ATP5F1D: variants seen among roughly 807,000 people sequenced by gnomAD.
The protein encoded by ATP5F1D is ATP synthase F1 subunit delta.
Under a neutral mutation model 13.0 loss-of-function variants are expected in ATP5F1D, and 16 were observed. The observed-to-expected ratio is 1.23, with a 90% CI of 0.83 to 1.87. The LOEUF (loss-of-function observed/expected upper bound fraction) is 1.87. Among genes scored for constraint, ATP5F1D ranks in the 40% most tolerant of loss-of-function variants. The probability of loss-of-function intolerance (pLI) is 0.00; values close to 1 mark genes in which losing one functional copy is unlikely to be tolerated. For missense variants in ATP5F1D, 294 were observed against 246.2 expected (o/e 1.19, Z -1.30); for synonymous variants, 129 against 116.2 (o/e 1.11, Z -0.71).
In ATP5F1D at chr19:1,244,399, A is replaced by G. The variant is rs766143982; in HGVS notation, c.469A>G (p.Ile157Val). The G allele has an allele frequency of 2.6e-6, 4 of 1,567,754 alleles. No individual in the cohort carries two copies. The Admixed American group carries it at 5.7e-5, about 22-fold the overall frequency. ...EATRAEIQIR[I>V]EANEALVKAL... ...CACGCGGGCAGAGATCCAGATCCGA[A>G]TCGAGGCCAACGAGGCCCTGGTGAA... is the stretch of plus-strand genomic sequence containing the variant. Residue 157 changes from isoleucine to valine, a missense_variant, in exon 4 of 4, where the codon ATC becomes GTC. By Grantham distance (29) the Ile-to-Val change is conservative. Coordinates refer to ENST00000215375, the MANE Select transcript of ATP5F1D (RefSeq NM_001687.5).
At chr19:1,242,142 TGCTGCCCGAGCCCTGC>T (rs1415794762) in intron 1 of ATP5F1D, 151 bp downstream of exon 1, 4 of 1,066,390 alleles carry the variant, frequency 3.8e-6, no homozygotes, top group African/African-American at 3.3e-5. Context: ...GCCCTGCCTC[TGCTGCCCGAGCCCTGC>T]GCTGCCCTCG....
At chr19:1,243,067 G>C (rs1174593314) in intron 2 of ATP5F1D, 3 of 153,360 alleles carry the variant, frequency 2.0e-5, no homozygotes, top group African/African-American at 7.3e-5. Context: ...GGCAACAAGA[G>C]TGAAACTCCA....
Position 1,244,321 on chromosome 19 carries a change from A to C in ATP5F1D, c.391A>C (p.Lys131Gln). ...GCCCCTCAACCCCTTGCAGGCAGCC[A>C]AGGCAAACTTGGAGAAGGCCCAGGC... is the stretch of plus-strand genomic sequence containing the variant. ...TLDMLDLGAA[K>Q]ANLEKAQAEL... Residue 131 changes from lysine (K) to glutamine (Q), a missense_variant, in exon 4 of 4, where the codon AAG (lysine) becomes CAG (glutamine). By Grantham distance (53) the Lys-to-Gln change is moderately conservative. Coordinates refer to ENST00000215375, the MANE Select transcript of ATP5F1D (RefSeq NM_001687.5). The C allele has an allele frequency of 6.3e-7, 1 of 1,593,502 alleles. No homozygotes were observed. Among genetic ancestry groups the C allele is most frequent in the Non-Finnish European group, 8.5e-7 (1 of 1,170,606 alleles).
In ATP5F1D at chr19:1,244,150, G is replaced by A. The variant is rs753537314; in HGVS notation, c.349G>A (p.Glu117Lys). 25 of 1,612,204 alleles carry A rather than the reference G, an allele frequency of 1.6e-5. No homozygotes were observed. Among genetic ancestry groups the A allele is most frequent in the East Asian group, 4.5e-5 (2 of 44,832 alleles). ...CGACTCTTCGGTGCAGTTGTTGGCC[G>A]AAGAGGCCGTGACGCTGGACATGTT... is the stretch of plus-strand genomic sequence containing the variant. ...NADSSVQLLA[E>K]EAVTLDMLDL... Residue 117 changes from glutamate (E) to lysine (K), a missense_variant, in exon 3 of 4, where the codon GAA (glutamate) becomes AAA (lysine). Glu to Lys is a moderately conservative substitution (Grantham distance 56). Transcript: ENST00000215375.
At chr19:1,242,304 G>A (rs1568763314) in intron 1 of ATP5F1D, 152 bp from the exon 2 acceptor site, 2 of 1,001,974 alleles carry the variant, frequency 2.0e-6, no homozygotes, top group South Asian at 5.1e-5. Context: ...GAGGACCAAA[G>A]CTGCAACTTC....
chr19:1,244,024 C>G, intron 2 of ATP5F1D, 73 bp from the exon 3 acceptor site: 2 of 1,462,628 alleles, frequency 1.4e-6, no homozygotes, highest in Non-Finnish European at 1.9e-6. Context: ...GGGCTCTGGA[C>G]TTGACCAGGG....
At chr19:1,243,810 C>T (rs906751091) in intron 2 of ATP5F1D, among the ~76,000 whole-genome samples, 1 of 152,242 alleles carries the variant, frequency 6.6e-6, no homozygotes, top group Non-Finnish European at 1.5e-5. Flanking sequence ...CCCAGCTCAA[C>T]CCATGGGTGG....
intron 2 of ATP5F1D, among the ~76,000 whole-genome samples, chr19:1,243,507 T>C (rs1268189668): frequency 6.6e-6 from 1 of 152,034 alleles, no homozygotes; most frequent in Non-Finnish European, 1.5e-5. Context: ...CTACAAAAAA[T>C]TAGCTGGTTG....
At chr19:1,244,062 G>T in intron 2 of ATP5F1D, 35 bp from the exon 3 acceptor site, 1 of 1,585,974 alleles carries the variant, frequency 6.3e-7, no homozygotes, top group Non-Finnish European at 8.6e-7. Flanking sequence ...CAGCCCTTTG[G>T]GGTCTCACGC....
chr19:1,244,400 T>C lies in ATP5F1D; in HGVS notation c.470T>C (p.Ile157Thr). Residue 157 changes from isoleucine (I) to threonine (T), a missense_variant, in exon 4 of 4, where the codon ATC becomes ACC. By Grantham distance (89) the Ile-to-Thr change is moderately conservative. Coordinates refer to ENST00000215375, the MANE Select transcript of ATP5F1D (RefSeq NM_001687.5). The part of the protein sequence containing the change: ...EATRAEIQIR[I>T]EANEALVKAL... Reference sequence around the variant, plus strand: ...ACGCGGGCAGAGATCCAGATCCGAATCGAGGCCAACGAGGCCCTGGTGAAG... The same window carrying C: ...ACGCGGGCAGAGATCCAGATCCGAACCGAGGCCAACGAGGCCCTGGTGAAG... The C allele has an allele frequency of 6.4e-7, 1 of 1,567,766 alleles. No homozygotes were observed. Among genetic ancestry groups the C allele is most frequent in the Non-Finnish European group, 8.6e-7 (1 of 1,156,162 alleles).
intron 1 of ATP5F1D, 61 bp downstream of exon 1, chr19:1,242,052 C>T: frequency 7.6e-7 from 1 of 1,314,686 alleles, no homozygotes; most frequent in Admixed American, 3.2e-5. Context: ...AGGGTCCCCA[C>T]CCCCAGGGCG....
At chr19:1,242,691 G>A (rs1216464876) in intron 2 of ATP5F1D, 82 bp downstream of exon 2, 19 of 1,378,236 alleles carry the variant, frequency 1.4e-5, no homozygotes, top group Non-Finnish European at 1.7e-5. Flanking sequence ...TTGAGGCTGC[G>A]AGAAAAAATA....
chr19:1,244,304 A>ACCC lies in ATP5F1D; in HGVS notation c.385-9_385-7dup, dbSNP rs1568766316. 6.3e-7 allele frequency: 1 copy of ACCC among 1,591,504 alleles called. No homozygotes were observed. The highest frequency in any genetic ancestry group is 8.6e-7 in the Non-Finnish European group (1 of 1,169,510). On this transcript the variant is annotated splice_polypyrimidine_tract_variant and intron_variant, in intron 3 of 3. Coordinates refer to ENST00000215375, the MANE Select transcript of ATP5F1D (RefSeq NM_001687.5). ...GCTGCTGGCCCCTCACCGCCCCTCA[A>ACCC]CCCCTTGCAGGCAGCCAAGGCAAAC...
chr19:1,244,055 C>T, intron 2 of ATP5F1D, 42 bp from the exon 3 acceptor site: 1 of 1,573,062 alleles, frequency 6.4e-7, no homozygotes, highest in South Asian at 1.2e-5. Context: ...GGCTGTGCAG[C>T]CCTTTGGGGT....
intron 2 of ATP5F1D, 178 bp downstream of exon 2, chr19:1,242,787 C>T (rs1370598546): frequency 1.4e-5 from 10 of 694,352 alleles, no homozygotes; most frequent in African/African-American, 1.3e-4. Flanking sequence ...GTCAGAAGTT[C>T]GGAGACCAGC....
rs2081055268 is a variant in ATP5F1D at position 1,244,747 on chromosome 19, C to T, written c.*310C>T. 14 of 336,732 alleles carry T rather than the reference C, an allele frequency of 4.2e-5. No individual in the cohort carries two copies. In the South Asian group the frequency reaches 5.4e-4, roughly 13 times the overall value. The allele number at this position is 336,732 out of a possible 1,614,324, so 20.9% of individuals were successfully genotyped here. A position where few individuals can be genotyped will look rare whatever the true frequency, so the allele number is the denominator to read the frequency against. Reference sequence around the variant, plus strand: ...CCCTCTGCCCTGCAGAGCCAGCCGCCAAGGTTGACCTCAGCTTCGGAGCCA... The same window carrying T: ...CCCTCTGCCCTGCAGAGCCAGCCGCTAAGGTTGACCTCAGCTTCGGAGCCA... On this transcript the variant is annotated 3_prime_UTR_variant, in exon 4 of 4. Coordinates refer to ENST00000215375, the MANE Select transcript of ATP5F1D (RefSeq NM_001687.5).
Position 1,244,339 on chromosome 19 carries a change from G to A in ATP5F1D, c.409G>A (p.Ala137Thr). 1.3e-6 allele frequency: 2 copies of A among 1,592,652 alleles called. No homozygotes were observed. The highest frequency in any genetic ancestry group is 1.7e-6 in the Non-Finnish European group (2 of 1,170,170). The change falls in exon 4 of 4, where the codon GCC becomes ACC. Residue 137 changes from alanine to threonine, a missense_variant. Coordinates refer to ENST00000215375, the MANE Select transcript of ATP5F1D (RefSeq NM_001687.5). ...LGAAKANLEK[A>T]QAELVGTADE... ...GGCAGCCAAGGCAAACTTGGAGAAG[G>A]CCCAGGCGGAGCTGGTGGGGACAGC...
At position 1,244,706 on chromosome 19, in the gene ATP5F1D, C is replaced by T. The variant is rs903069537; in HGVS notation, c.*269C>T. ...GCCTCTCAAGATCCCCCCAGCCTGA[C>T]GGGCCGCTTACCATCCCCTCTGCCC... On this transcript the variant is annotated 3_prime_UTR_variant, in exon 4 of 4. Transcript: ENST00000215375. 2.3e-5 allele frequency: 11 copies of T among 481,478 alleles called. No individual in the cohort carries two copies. The highest frequency in any genetic ancestry group is 3.3e-5 in the Non-Finnish European group (9 of 274,428). The allele number at this position is 481,478 out of a possible 1,614,324, so 29.8% of individuals were successfully genotyped here.
chr19:1,242,091 G>C (rs1747259844), intron 1 of ATP5F1D, 100 bp downstream of exon 1: 1 of 1,246,316 alleles, frequency 8.0e-7, no homozygotes, highest in Admixed American at 4.1e-5. Flanking sequence ...CCCCGGACCC[G>C]CGCGCCCCGG....
Sources: gnomAD v4.1 joint callset for allele counts (sites outside exome capture counted in the v4.1 genomes callset) on GRCh38, gnomAD v4.1.1 for gene constraint, MANE v1.5 for transcripts, NCBI Gene and HGNC (gene_info 2026-07-23, HGNC 2026-07-21) for gene names.